The following OPA1 variants were observed in gnomAD, a reference collection of about 807,000 sequenced individuals.
OPA1 encodes the protein OPA1 mitochondrial dynamin like GTPase, also known as dynamin-like GTPase OPA1, mitochondrial.
A neutral mutation model predicts 152.9 loss-of-function variants in OPA1; 59 were observed. The ratio of observed to expected loss-of-function variants is 0.39; its 90% CI spans 0.31 to 0.48. The LOEUF is 0.48. Among genes scored for constraint, OPA1 ranks in the 20% least tolerant of loss-of-function variants. OPA1 has a pLI of 0.96. For synonymous variants in OPA1, 400 were observed against 389.9 expected, an observed-to-expected ratio of 1.03 and a Z score of -0.31; for missense variants, 1,008 against 1,216.8, an observed-to-expected ratio of 0.83 and a Z score of 2.55.
intron 8 of OPA1, among the ~76,000 whole-genome samples, chr3:193,635,095 T>C (rs914266288): frequency 6.6e-6 from 1 of 152,218 alleles, no homozygotes; most frequent in Non-Finnish European, 1.5e-5. Context: ...TAGGAAATAC[T>C]CCCTTCTAGA....
intron 1 of OPA1, among the ~76,000 whole-genome samples, chr3:193,603,121 T>G (rs1000513859): frequency 6.6e-6 from 1 of 152,204 alleles, no homozygotes; most frequent in Non-Finnish European, 1.5e-5. Flanking sequence ...CCCACCAGTA[T>G]TTTTTCATAA....
At chr3:193,653,527 T>G (rs1325855534) in intron 21 of OPA1, among the ~76,000 whole-genome samples, 1 of 152,196 alleles carries the variant, frequency 6.6e-6, no homozygotes, top group Non-Finnish European at 1.5e-5. Context: ...AATAAATATT[T>G]CCTTGAGATT....
intron 29 of OPA1, chr3:193,691,841 C>T: frequency 4.4e-6 from 2 of 450,682 alleles, no homozygotes; most frequent in Non-Finnish European, 4.1e-6. Context: ...TTGTTAGATC[C>T]TCAAAGGGGT....
At position 193,647,420 on chromosome 3, in the gene OPA1, A is replaced by C. The variant is rs112726769; in HGVS notation, c.1870+240A>C. ...TTGCAGAGTTCAAACAGATGAGAAC[A>C]TTTGCTAGTGCTTGGAAGTACACAA... On this transcript the variant is annotated intron_variant, in intron 19 of 30. Transcript: ENST00000361510. Among the ~76,000 whole-genome samples, 5 of 152,298 alleles carry C rather than the reference A, an allele frequency of 3.3e-5. 1 individual carries two copies. Among genetic ancestry groups the C allele is most frequent in the African/African-American group, 9.6e-5 (4 of 41,572 alleles).
intron 29 of OPA1, among the ~76,000 whole-genome samples, chr3:193,688,361 A>G (rs1415920727): frequency 1.4e-5 from 2 of 146,610 alleles, no homozygotes; most frequent in Non-Finnish European, 3.0e-5. Flanking sequence ...ATGATAGCAT[A>G]TTATGGAGTG....
At position 193,593,279 on chromosome 3, in the gene OPA1, C is replaced by T. The variant is rs1054085673; in HGVS notation, c.-99C>T. Reference sequence around the variant, plus strand: ...GCTCTGTGCCCTTGCTGCTGAGGGCCACTTCCTGGGTCATTCCTGGACCGG... The same window carrying T: ...GCTCTGTGCCCTTGCTGCTGAGGGCTACTTCCTGGGTCATTCCTGGACCGG... On this transcript the variant is annotated 5_prime_UTR_variant, in exon 1 of 31. Coordinates refer to ENST00000361510, the MANE Select transcript of OPA1 (RefSeq NM_130837.3). 2.3e-6 allele frequency: 3 copies of T among 1,288,134 alleles called. No homozygotes were observed. The African/African-American group carries it at 4.6e-5, about 20-fold the overall frequency. 79.8% of individuals were successfully genotyped at this position (1,288,134 alleles called of 1,614,324 possible). A position where few individuals can be genotyped will look rare whatever the true frequency, so the allele number is the denominator to read the frequency against.
At chr3:193,642,111 G>C (rs1733865565) in intron 11 of OPA1, among the ~76,000 whole-genome samples, 1 of 152,198 alleles carries the variant, frequency 6.6e-6, no homozygotes, top group Non-Finnish European at 1.5e-5. Flanking sequence ...ATGAGACTCG[G>C]TCTCAAAACA....
At chr3:193,604,888 G>GA (rs1560312901) in intron 1 of OPA1, among the ~76,000 whole-genome samples, 1 of 121,722 alleles carries the variant, frequency 8.2e-6, no homozygotes, top group East Asian at 2.9e-4. Context: ...AAAAAGAAAA[G>GA]AAAAAATTGA....
chr3:193,604,869 A>G (rs202059219), intron 1 of OPA1, among the ~76,000 whole-genome samples: 4 of 145,880 alleles, frequency 2.7e-5, no homozygotes, highest in African/African-American at 1.0e-4. Context: ...TCAAAAAAAA[A>G]AAAAAAGAAA....
chr3:193,676,861 G>A (rs1469743471), intron 29 of OPA1, among the ~76,000 whole-genome samples: 1 of 151,812 alleles, frequency 6.6e-6, no homozygotes, highest in Admixed American at 6.6e-5. Flanking sequence ...GGCGCCTGTA[G>A]TCCCAGCTGC....
At chr3:193,629,523 C>T (rs1731735381) in intron 7 of OPA1, among the ~76,000 whole-genome samples, 1 of 151,640 alleles carries the variant, frequency 6.6e-6, no homozygotes, top group South Asian at 2.1e-4. Flanking sequence ...ATGGTGAAAC[C>T]CCATCTCTAC....
chr3:193,692,173 AC>A (rs1287822825), intron 30 of OPA1, 41 bp downstream of exon 30: 1 of 988,996 alleles, frequency 1.0e-6, no homozygotes, highest in Non-Finnish European at 1.6e-6. Flanking sequence ...CTGACTAAAT[AC>A]AAAATTACAC....
At chr3:193,632,270 A>G (rs764528541) in intron 8 of OPA1, among the ~76,000 whole-genome samples, 2 of 152,184 alleles carry the variant, frequency 1.3e-5, no homozygotes, top group Admixed American at 1.3e-4. Context: ...TCACAAGGTC[A>G]GGAGATCGAG....
rs780784567 is a variant in OPA1 at position 193,618,982 on chromosome 3, T to G, written c.678+46T>G. On this transcript the variant is annotated intron_variant, in intron 6 of 30. Transcript: ENST00000361510. ...TTCATGTAGGTAGTCTTGAAAGATT[T>G]TTTAAAGTTTTTACTTCTTTGGAAG... 4 of 1,438,862 alleles carry G rather than the reference T, an allele frequency of 2.8e-6. No homozygotes were observed. The Admixed American group carries it at 6.7e-5, about 24-fold the overall frequency. The allele number at this position is 1,438,862 out of a possible 1,614,324, so 89.1% of individuals were successfully genotyped here. A position where few individuals can be genotyped will look rare whatever the true frequency, so the allele number is the denominator to read the frequency against.
intron 18 of OPA1, among the ~76,000 whole-genome samples, chr3:193,646,788 TA>T (rs1734712183): frequency 6.6e-6 from 1 of 151,982 alleles, no homozygotes; most frequent in African/African-American, 2.4e-5. Flanking sequence ...AATAATAAAA[TA>T]AAATATAACA....
At chr3:193,660,870 A>G (rs997112647) in intron 25 of OPA1, among the ~76,000 whole-genome samples, 1 of 152,204 alleles carries the variant, frequency 6.6e-6, no homozygotes. Context: ...GAGAATTTCT[A>G]GAGATCCATC....
intron 22 of OPA1, 133 bp from the exon 23 acceptor site, chr3:193,656,947 G>A (rs923552009): frequency 5.0e-6 from 4 of 796,494 alleles, no homozygotes; most frequent in African/African-American, 3.5e-5. Context: ...TTTTGTTAAT[G>A]TAGTTTCACA....
intron 25 of OPA1, among the ~76,000 whole-genome samples, chr3:193,660,367 AAATT>A (rs1385139290): frequency 6.6e-6 from 1 of 152,172 alleles, no homozygotes; most frequent in African/African-American, 2.4e-5. Flanking sequence ...CTAACTACAT[AAATT>A]AATGAAATAA....
At chr3:193,644,224 A>G in intron 16 of OPA1, 119 bp downstream of exon 16, 2 of 1,221,360 alleles carry the variant, frequency 1.6e-6, no homozygotes, top group Non-Finnish European at 1.2e-6. Context: ...ACTAAGATTT[A>G]TTACAATGAA....
Sources: gnomAD v4.1 joint callset for allele counts (sites outside exome capture counted in the v4.1 genomes callset) on GRCh38, gnomAD v4.1.1 for gene constraint, MANE v1.5 for transcripts, NCBI Gene and HGNC (gene_info 2026-07-23, HGNC 2026-07-21) for gene names.